RBMS3: variants seen among roughly 807,000 people sequenced by gnomAD.
RBMS3 encodes RNA-binding motif, single-stranded-interacting protein 3.
In RBMS3, 27 loss-of-function variants were observed where a neutral mutation model predicts 66.8. The ratio of observed to expected loss-of-function variants is 0.40; its 90% CI spans 0.30 to 0.56. The LOEUF (loss-of-function observed/expected upper bound fraction) is 0.56, where lower values mean the gene tolerates loss of function less well. RBMS3 is among the 20% of genes least tolerant of loss of function. The pLI is 0.40. For missense variants in RBMS3, 513 were observed against 549.5 expected, an observed-to-expected ratio of 0.93 and a Z score of 0.66; for synonymous variants, 188 against 183.0, an observed-to-expected ratio of 1.03 and a Z score of -0.22.
intron 1 of RBMS3, among the ~76,000 whole-genome samples, chr3:29,336,447 G>A (rs555935880): frequency 3.3e-5 from 5 of 151,828 alleles, no homozygotes; most frequent in South Asian, 2.1e-4. Context: ...TTTTGCTTAC[G>A]TAATTTTAGA....
At chr3:29,530,081 G>A (rs887083367) in intron 3 of RBMS3, among the ~76,000 whole-genome samples, 8 of 152,134 alleles carry the variant, frequency 5.3e-5, no homozygotes, top group South Asian at 4.1e-4. Flanking sequence ...ATCCCCTGCC[G>A]TACACACTCT....
intron 6 of RBMS3, among the ~76,000 whole-genome samples, chr3:29,777,158 C>T (rs1044233651): frequency 1.3e-5 from 2 of 151,872 alleles, no homozygotes; most frequent in Non-Finnish European, 2.9e-5. Context: ...CAATACTTTT[C>T]ATGCAGATTT....
chr3:29,588,839 A>C (rs185910129), intron 4 of RBMS3, among the ~76,000 whole-genome samples: 1 of 152,198 alleles, frequency 6.6e-6, no homozygotes, highest in African/African-American at 2.4e-5. Flanking sequence ...CAAATGATGA[A>C]ATGTAGCTGT....
intron 8 of RBMS3, among the ~76,000 whole-genome samples, chr3:29,888,412 G>A (rs2149587406): frequency 6.6e-6 from 1 of 151,488 alleles, no homozygotes; most frequent in Admixed American, 6.6e-5. Context: ...TTCTTGTCTT[G>A]CTGCTAATGG....
At chr3:29,378,580 C>A (rs1379599366) in intron 1 of RBMS3, among the ~76,000 whole-genome samples, 1 of 151,064 alleles carries the variant, frequency 6.6e-6, no homozygotes, top group Non-Finnish European at 1.5e-5. Context: ...AAAAGCATAT[C>A]AATGTGCAGC....
At chr3:29,392,358 T>A (rs1190697782) in intron 1 of RBMS3, among the ~76,000 whole-genome samples, 1 of 152,208 alleles carries the variant, frequency 6.6e-6, no homozygotes, top group East Asian at 1.9e-4. Flanking sequence ...CCTGAAATAA[T>A]CTTATTTTTT....
intron 7 of RBMS3, among the ~76,000 whole-genome samples, chr3:29,875,632 A>G (rs1420179860): frequency 1.3e-5 from 2 of 152,160 alleles, no homozygotes; most frequent in Non-Finnish European, 2.9e-5. Flanking sequence ...ATGAACCTAC[A>G]TAAAATATGG....
intron 14 of RBMS3, among the ~76,000 whole-genome samples, chr3:29,998,830 T>A (rs560850766): frequency 3.9e-5 from 6 of 152,256 alleles, no homozygotes; most frequent in Admixed American, 2.6e-4. Flanking sequence ...GAAGAAAACC[T>A]GGGCAATACC....
At chr3:29,837,014 A>G (rs1315016715) in intron 6 of RBMS3, among the ~76,000 whole-genome samples, 1 of 152,034 alleles carries the variant, frequency 6.6e-6, no homozygotes, top group Non-Finnish European at 1.5e-5. Flanking sequence ...TGCAGAAGCA[A>G]GATAGATGAC....
At chr3:29,657,191 T>G (rs1196470863) in intron 4 of RBMS3, among the ~76,000 whole-genome samples, 1 of 152,194 alleles carries the variant, frequency 6.6e-6, no homozygotes, top group Non-Finnish European at 1.5e-5. Flanking sequence ...TTGTCAAGCA[T>G]AAAGTGTTTC....
chr3:29,547,977 T>C (rs554837902), intron 3 of RBMS3, among the ~76,000 whole-genome samples: 160 of 152,162 alleles, frequency 1.1e-3, no homozygotes, highest in African/African-American at 3.3e-3. Context: ...ATATTATTAG[T>C]AGAGACGGGG....
At chr3:29,817,949 T>C (rs2057960976) in intron 6 of RBMS3, among the ~76,000 whole-genome samples, 1 of 152,178 alleles carries the variant, frequency 6.6e-6, no homozygotes. Context: ...GAAGATTGAT[T>C]GCCACCTGCT....
At chr3:29,759,620 T>G (rs1423805908) in intron 5 of RBMS3, among the ~76,000 whole-genome samples, 2 of 152,126 alleles carry the variant, frequency 1.3e-5, no homozygotes, top group Non-Finnish European at 2.9e-5. Context: ...TCCAGACAGC[T>G]TGAGCTGGCA....
At chr3:29,502,081 G>C (rs1368167811) in intron 3 of RBMS3, among the ~76,000 whole-genome samples, 1 of 152,046 alleles carries the variant, frequency 6.6e-6, no homozygotes. Context: ...ACTGTTAAAA[G>C]TATTTAAATT....
In RBMS3 at chr3:29,436,006, T is replaced by C. The variant is rs2041390858; in HGVS notation, c.248+1091T>C. Among the ~76,000 whole-genome samples, 3 of 152,024 alleles carry C rather than the reference T, an allele frequency of 2.0e-5. No individual in the cohort carries two copies. The South Asian group carries it at 6.2e-4, about 32-fold the overall frequency. On this transcript the variant is annotated intron_variant, in intron 2 of 14. Transcript: ENST00000383767. ...AAAAAGAAGACGAATCGTAGACCTG[T>C]ATTTTTTGGTTAGTATCTGATTATT...
intron 3 of RBMS3, among the ~76,000 whole-genome samples, chr3:29,520,084 C>T (rs1370320099): frequency 6.6e-6 from 1 of 152,076 alleles, no homozygotes; most frequent in African/African-American, 2.4e-5. Flanking sequence ...AATCTGGCAA[C>T]CTAGTCCCAA....
chr3:29,392,037 G>T (rs149222051), intron 1 of RBMS3, among the ~76,000 whole-genome samples: 2,695 of 152,076 alleles, frequency 0.018, 75 homozygotes, highest in African/African-American at 0.061. Flanking sequence ...ATCACTTGAG[G>T]TCAGGAGTTC....
At chr3:29,412,546 C>T (rs116144458) in intron 1 of RBMS3, among the ~76,000 whole-genome samples, 1,941 of 152,066 alleles carry the variant, frequency 0.013, 51 homozygotes, top group African/African-American at 0.042. Context: ...GATGAATTAC[C>T]CCTGAGTCTC....
chr3:29,379,539 G>A (rs2038659543), intron 1 of RBMS3, among the ~76,000 whole-genome samples: 1 of 152,114 alleles, frequency 6.6e-6, no homozygotes, highest in Non-Finnish European at 1.5e-5. Context: ...CGTCTCACAT[G>A]GCGGCAGTGC....
Sources: allele counts gnomAD v4.1 joint callset (sites outside exome capture counted in the v4.1 genomes callset), GRCh38; gene constraint gnomAD v4.1.1; transcripts MANE v1.5; gene names NCBI Gene and HGNC (gene_info 2026-07-23, HGNC 2026-07-21).